Variants in CPNE8 observed in about 807,000 individuals in gnomAD.
CPNE8 encodes copine-8.
A neutral mutation model predicts 81.5 loss-of-function variants in CPNE8; 45 were observed. That is an observed-to-expected ratio of 0.55 (90% confidence interval 0.44 to 0.71). The LOEUF (loss-of-function observed/expected upper bound fraction) is 0.71. Ranked by LOEUF, CPNE8 falls within the 30% of genes least tolerant of loss-of-function variation. The probability of loss-of-function intolerance (pLI) is 0.00; values close to 1 mark genes in which losing one functional copy is unlikely to be tolerated. For synonymous variants in CPNE8, 252 were observed against 226.3 expected (o/e 1.11, Z -1.02); for missense variants, 594 against 672.1 (o/e 0.88, Z 1.28).
At chr12:38,679,781 T>C (rs1478998021) in intron 16 of CPNE8, 1 of 665,430 alleles carries the variant, frequency 1.5e-6, no homozygotes, top group African/African-American at 2.0e-5. Flanking sequence ...TTTAAAGTAT[T>C]ATCATTTCTT....
At chr12:38,719,890 C>T (rs1446675122) in intron 13 of CPNE8, among the ~76,000 whole-genome samples, 2 of 152,068 alleles carry the variant, frequency 1.3e-5, no homozygotes, top group Non-Finnish European at 2.9e-5. Flanking sequence ...ATATCCTTTA[C>T]AAATAATAAA....
chr12:38,848,717 A>G (rs756831955), intron 3 of CPNE8, 55 bp from the exon 4 acceptor site: 2 of 1,502,340 alleles, frequency 1.3e-6, no homozygotes, highest in Non-Finnish European at 1.8e-6. Flanking sequence ...ACTTATTACA[A>G]GTATAGTACT....
intron 1 of CPNE8, among the ~76,000 whole-genome samples, chr12:38,896,394 G>A (rs1335911876): frequency 6.6e-6 from 1 of 152,070 alleles, no homozygotes; most frequent in Non-Finnish European, 1.5e-5. Context: ...TTAAGGTATT[G>A]TGTATCAGGG....
At chr12:38,845,738 G>C (rs1212911587) in intron 4 of CPNE8, among the ~76,000 whole-genome samples, 1 of 152,070 alleles carries the variant, frequency 6.6e-6, no homozygotes, top group Admixed American at 6.6e-5. Flanking sequence ...GTTATTATGT[G>C]AGTATTCTAA....
intron 6 of CPNE8, among the ~76,000 whole-genome samples, chr12:38,778,786 C>A (rs1335164720): frequency 6.6e-6 from 1 of 152,222 alleles, no homozygotes; most frequent in East Asian, 1.9e-4. Context: ...ACATAAACCT[C>A]TTGTAAGCAC....
chr12:38,754,008 T>C (rs1185869062), intron 10 of CPNE8, among the ~76,000 whole-genome samples: 1 of 152,134 alleles, frequency 6.6e-6, no homozygotes, highest in Non-Finnish European at 1.5e-5. Context: ...ATAACTTCAA[T>C]ATAAATCATA....
At position 38,719,314 on chromosome 12, in the gene CPNE8, C is replaced by G. The variant is rs1166647408; in HGVS notation, c.914+4458G>C. ...ATAAAAGTCAAATTTTAAATTTGTG[C>G]CCAATTTGGCTGGGTGTGGTGGCTC... On this transcript the variant is annotated intron_variant, in intron 13 of 19. Coordinates refer to ENST00000331366, the MANE Select transcript of CPNE8 (RefSeq NM_153634.3). Among the ~76,000 whole-genome samples, 5 of 152,122 alleles carry G rather than the reference C, an allele frequency of 3.3e-5. No homozygotes were observed. In the East Asian group the frequency reaches 9.6e-4, roughly 29 times the overall value.
chr12:38,685,372 T>C (rs2136659511), intron 16 of CPNE8, 118 bp downstream of exon 16: 2 of 1,092,982 alleles, frequency 1.8e-6, no homozygotes, highest in Admixed American at 2.5e-5. Flanking sequence ...TTCCCCACTT[T>C]CTTGGAGGTA....
chr12:38,722,939 C>T (rs1422291371), intron 13 of CPNE8, among the ~76,000 whole-genome samples: 2 of 152,092 alleles, frequency 1.3e-5, no homozygotes, highest in Non-Finnish European at 2.9e-5. Flanking sequence ...ACAGGTCCTC[C>T]TTCACATGCA....
At chr12:38,677,344 A>G (rs1939311807) in intron 17 of CPNE8, 108 bp downstream of exon 17, 1 of 659,990 alleles carries the variant, frequency 1.5e-6, no homozygotes, top group Non-Finnish European at 2.8e-6. Context: ...ATCTGCTGCA[A>G]AGGTGTGGTG....
At chr12:38,734,665 G>A (rs1940912295) in intron 10 of CPNE8, among the ~76,000 whole-genome samples, 1 of 151,952 alleles carries the variant, frequency 6.6e-6, no homozygotes, top group Admixed American at 6.6e-5. Flanking sequence ...CTTAAAATTG[G>A]AGGTAATGCC....
intron 8 of CPNE8, among the ~76,000 whole-genome samples, chr12:38,766,400 ACT>A (rs1941690690): frequency 6.6e-6 from 1 of 152,174 alleles, no homozygotes; most frequent in African/African-American, 2.4e-5. Context: ...TATTTTCTTC[ACT>A]CTGCAACATT....
chr12:38,738,345 T>A (rs1435810347), intron 10 of CPNE8, among the ~76,000 whole-genome samples: 1 of 152,192 alleles, frequency 6.6e-6, no homozygotes, highest in East Asian at 1.9e-4. Flanking sequence ...TACAAAGTTA[T>A]GTAAATTGTT....
chr12:38,809,094 A>T (rs1002614427), intron 6 of CPNE8, among the ~76,000 whole-genome samples: 4 of 152,312 alleles, frequency 2.6e-5, no homozygotes, highest in South Asian at 2.1e-4. Flanking sequence ...CAAGCTGCTT[A>T]TGTCAGTTTT....
At chr12:38,826,826 G>A (rs922737819) in intron 6 of CPNE8, among the ~76,000 whole-genome samples, 1 of 151,334 alleles carries the variant, frequency 6.6e-6, no homozygotes, top group African/African-American at 2.4e-5. Flanking sequence ...ATTTCCTTAT[G>A]TTAAAAAAAC....
chr12:38,831,562 G>T (rs971100412), intron 5 of CPNE8, among the ~76,000 whole-genome samples: 5 of 152,082 alleles, frequency 3.3e-5, no homozygotes, highest in Non-Finnish European at 5.9e-5. Context: ...GGATACTGCC[G>T]GCATGGCCAT....
At chr12:38,723,711 G>T (rs939134252) in intron 13 of CPNE8, 61 bp downstream of exon 13, 6 of 1,005,848 alleles carry the variant, frequency 6.0e-6, no homozygotes, top group East Asian at 4.8e-5. Flanking sequence ...TCGTGGTAGC[G>T]CTTGTTACAC....
chr12:38,742,660 C>T (rs554747763), intron 10 of CPNE8, among the ~76,000 whole-genome samples: 2 of 138,760 alleles, frequency 1.4e-5, no homozygotes, highest in South Asian at 2.3e-4. Context: ...CACATGTACC[C>T]TAGAACTTAA....
chr12:38,760,158 T>C lies in CPNE8; in HGVS notation c.722+689A>G, dbSNP rs188967998. 1.8e-4 allele frequency among the ~76,000 whole-genome samples: 27 copies of C among 152,164 alleles called. No individual in the cohort carries two copies. The East Asian group carries it at 5.0e-3, about 28-fold the overall frequency. ...CTTTGATACCCACATATTCAGCCCTTTCAGGGAGCACCTAGAGAGGCAGCA... is the reference window on the plus strand; with the variant it reads ...CTTTGATACCCACATATTCAGCCCTCTCAGGGAGCACCTAGAGAGGCAGCA... On this transcript the variant is annotated intron_variant, in intron 10 of 19. Transcript: ENST00000331366.
Sources: gnomAD v4.1 joint callset for allele counts (sites outside exome capture counted in the v4.1 genomes callset) on GRCh38, gnomAD v4.1.1 for gene constraint, MANE v1.5 for transcripts, NCBI Gene and HGNC (gene_info 2026-07-23, HGNC 2026-07-21) for gene names.